Variants in PCDHGA3 observed in about 807,000 individuals in gnomAD.
The protein encoded by PCDHGA3 is protocadherin gamma subfamily A, 3.
A neutral mutation model predicts 58.5 loss-of-function variants in PCDHGA3; 40 were observed. That is an observed-to-expected ratio of 0.68 (90% CI 0.53 to 0.89). The LOEUF (loss-of-function observed/expected upper bound fraction) is 0.89. Ranked by LOEUF, PCDHGA3 falls within the 40% of genes least tolerant of loss-of-function variation. PCDHGA3 has a pLI of 0.00. For missense variants in PCDHGA3, 1,223 were observed against 1,195.9 expected (o/e 1.02, Z -0.33); for synonymous variants, 530 against 525.7 (o/e 1.01, Z -0.11).
chr5:141,493,560 C>T lies in PCDHGA3; in HGVS notation c.2425-1247C>T, dbSNP rs1222578153. ...TTATCCTTTTGGAGATTGAGTTCCCCCAGCTCCGTTTCCTCCTATCACAAT... is the reference window on the plus strand; with the variant it reads ...TTATCCTTTTGGAGATTGAGTTCCCTCAGCTCCGTTTCCTCCTATCACAAT... On this transcript the variant is annotated intron_variant, in intron 1 of 3. Transcript: ENST00000253812. The surrounding 1 kb of genome is among the most constrained non-coding windows in gnomAD (Gnocchi z 4.3). Among the ~76,000 whole-genome samples, 4 of 152,162 alleles carry T rather than the reference C, an allele frequency of 2.6e-5. No individual in the cohort carries two copies. The highest frequency in any genetic ancestry group is 2.1e-4 in the South Asian group (1 of 4,830).
At chr5:141,497,541 T>C (rs1157403777) in intron 2 of PCDHGA3, among the ~76,000 whole-genome samples, 9 of 89,564 alleles carry the variant, frequency 1.0e-4, no homozygotes, top group Non-Finnish European at 2.1e-4. Context: ...GCAACAAACC[T>C]TTTTTTTTTT....
chr5:141,478,199 C>T lies in PCDHGA3; in HGVS notation c.2425-16608C>T, dbSNP rs759439765. 3.7e-6 allele frequency: 6 copies of T among 1,614,056 alleles called. No homozygotes were observed. The Middle Eastern group carries it at 6.6e-4, about 178-fold the overall frequency. On this transcript the variant is annotated intron_variant, in intron 1 of 3. Coordinates refer to ENST00000253812, the MANE Select transcript of PCDHGA3 (RefSeq NM_018916.4). ...GAAAAAAAATCTCACCTTTTATCTA[C>T]TTCTTTCTCTAATCCTGGTTTCTGT...
intron 1 of PCDHGA3, among the ~76,000 whole-genome samples, chr5:141,463,542 G>A (rs1376087953): frequency 7.1e-6 from 1 of 141,810 alleles, no homozygotes; most frequent in African/African-American, 2.6e-5. Context: ...TCCGGCTCCC[G>A]GGTTCATGCC....
intron 1 of PCDHGA3, among the ~76,000 whole-genome samples, chr5:141,373,124 C>T (rs933714666): frequency 6.6e-6 from 1 of 152,188 alleles, no homozygotes; most frequent in African/African-American, 2.4e-5. Flanking sequence ...GAATTAGACC[C>T]AAATCCTCAC....
intron 1 of PCDHGA3, among the ~76,000 whole-genome samples, chr5:141,449,588 CAAAAAAAA>C (rs768743917): frequency 1.7e-5 from 1 of 57,492 alleles, no homozygotes; most frequent in South Asian, 6.3e-4. Context: ...GACTCTGTCT[CAAAAAAAA>C]AAAAAAAAAA....
rs757588144 is a variant in PCDHGA3 at position 141,361,653 on chromosome 5, C to T, written c.2424+15196C>T. 10 of 1,613,652 alleles carry T rather than the reference C, an allele frequency of 6.2e-6. No individual in the cohort carries two copies. The South Asian group carries it at 8.8e-5, about 14-fold the overall frequency. On this transcript the variant is annotated intron_variant, in intron 1 of 3. Transcript: ENST00000253812. ...CGCGGGAGATTTTATCCTACGTGTC[C>T]GTGAGCGCGCAGAGCGGGGTGGTGT...
chr5:141,427,099 A>G (rs989437547), intron 1 of PCDHGA3: 3 of 457,936 alleles, frequency 6.6e-6, no homozygotes, highest in African/African-American at 6.0e-5. Context: ...GAGGGTGTCA[A>G]TGCGGAGATC....
rs1012728568 is a variant in PCDHGA3 at position 141,495,487 on chromosome 5, T to C, written c.2483+622T>C. Among the ~76,000 whole-genome samples, 22 of 152,328 alleles carry C rather than the reference T, an allele frequency of 1.4e-4. 1 individual carries two copies. The East Asian group carries it at 4.1e-3, about 28-fold the overall frequency. ...GGGGTCTCCGTGTCTCTGCCCCTTT[T>C]TCTTGAGTTTCCGTCTTTGCCACTT... On this transcript the variant is annotated intron_variant, in intron 2 of 3. Coordinates refer to ENST00000253812, the MANE Select transcript of PCDHGA3 (RefSeq NM_018916.4).
chr5:141,365,027 C>T (rs1277837734), intron 1 of PCDHGA3: 1 of 1,613,896 alleles, frequency 6.2e-7, no homozygotes, highest in South Asian at 1.1e-5. Flanking sequence ...TGTTACGGTC[C>T]TCGACGCAAA....
rs189836587 is a variant in PCDHGA3, at chr5:141,376,293, G to A, written c.2424+29836G>A. 14 of 1,614,094 alleles carry A rather than the reference G, an allele frequency of 8.7e-6. No homozygotes were observed. In the Admixed American group the frequency reaches 2.0e-4, roughly 23 times the overall value. On this transcript the variant is annotated intron_variant, in intron 1 of 3. Coordinates refer to ENST00000253812, the MANE Select transcript of PCDHGA3 (RefSeq NM_018916.4). ...GGAGGTGGCTTAGCGAGCATGCCCG[G>A]CTCGCACTTTGTGGGCGTGGAAGGG... is the stretch of plus-strand genomic sequence containing the variant.
At chr5:141,447,937 T>A (rs1036604034) in intron 1 of PCDHGA3, among the ~76,000 whole-genome samples, 1 of 151,852 alleles carries the variant, frequency 6.6e-6, no homozygotes, top group Non-Finnish European at 1.5e-5. Context: ...AATACAAAAA[T>A]TAGCTGGGCA....
chr5:141,366,623 AAG>A (rs1440567853), intron 1 of PCDHGA3: 2 of 1,614,242 alleles, frequency 1.2e-6, no homozygotes, highest in East Asian at 2.2e-5. Flanking sequence ...GGACTCGAGG[AAG>A]AGTCACCTGA....
At position 141,432,015 on chromosome 5, in the gene PCDHGA3, A is replaced by G. The variant is rs745405194; in HGVS notation, c.2425-62792A>G. 6.2e-7 allele frequency: 1 copy of G among 1,614,196 alleles called. No individual in the cohort carries two copies. Among genetic ancestry groups the G allele is most frequent in the Admixed American group, 1.7e-5 (1 of 60,032 alleles). On this transcript the variant is annotated intron_variant, in intron 1 of 3. Coordinates refer to ENST00000253812, the MANE Select transcript of PCDHGA3 (RefSeq NM_018916.4). The surrounding 1 kb of genome is among the most constrained non-coding windows in gnomAD (Gnocchi z 6.0). ...GATAGGGAACAGGTTCCTAGCTACA[A>G]CATCACAGTGACCGCCACTGACCGG...
In PCDHGA3 at chr5:141,511,367, G is replaced by A. The variant is rs563286583; in HGVS notation, c.*194G>A. ...CCTTCCCCCCCAGGGGGTTGAATAT[G>A]CAAAAGCAGTTCCGCTGGGAACCCC... On this transcript the variant is annotated 3_prime_UTR_variant, in exon 4 of 4. Coordinates refer to ENST00000253812, the MANE Select transcript of PCDHGA3 (RefSeq NM_018916.4). 2.3e-6 allele frequency: 3 copies of A among 1,299,952 alleles called. No individual in the cohort carries two copies. Among genetic ancestry groups the A allele is most frequent in the Non-Finnish European group, 3.1e-6 (3 of 967,442 alleles). 80.5% of individuals were successfully genotyped at this position (1,299,952 alleles called of 1,614,324 possible).
Position 141,476,934 on chromosome 5 carries a change from A to G in PCDHGA3, c.2425-17873A>G, listed in dbSNP as rs199685528. On this transcript the variant is annotated intron_variant, in intron 1 of 3. Transcript: ENST00000253812. The surrounding 1 kb of genome is among the most constrained non-coding windows in gnomAD (Gnocchi z 7.6). ...CAAGTCCTTGCAACGGATCTGGATG[A>G]AGGCCCCAACGGTGAAATTATTTAC... 255 of 1,614,164 alleles carry G rather than the reference A, an allele frequency of 1.6e-4. 3 individuals carry two copies. In the South Asian group the frequency reaches 2.6e-3, roughly 16 times the overall value.
chr5:141,358,034 C>G (rs1045447610), intron 1 of PCDHGA3, among the ~76,000 whole-genome samples: 1 of 152,074 alleles, frequency 6.6e-6, no homozygotes, highest in African/African-American at 2.4e-5. Flanking sequence ...TACTAAAATA[C>G]AAAAAGTTAG....
chr5:141,477,568 C>G lies in PCDHGA3; in HGVS notation c.2425-17239C>G. 1 of 1,614,172 alleles carries G rather than the reference C, an allele frequency of 6.2e-7. No individual in the cohort carries two copies. Among genetic ancestry groups the G allele is most frequent in the Non-Finnish European group, 8.5e-7 (1 of 1,180,044 alleles). On this transcript the variant is annotated intron_variant, in intron 1 of 3. Coordinates refer to ENST00000253812, the MANE Select transcript of PCDHGA3 (RefSeq NM_018916.4). The surrounding 1 kb of genome is among the most constrained non-coding windows in gnomAD (Gnocchi z 4.9). ...TACTAAACCTAAGTGTCTGGGACCC[C>G]GACGCCCCGCAGAATGCTCGGCTTT...
At chr5:141,378,233 G>C (rs1449430240) in intron 1 of PCDHGA3, 1 of 152,134 alleles carries the variant, frequency 6.6e-6, no homozygotes, top group African/African-American at 2.4e-5. Context: ...TAGTATTTAA[G>C]AGTGAAAATG....
chr5:141,511,048 C>G lies in PCDHGA3; in HGVS notation c.2674C>G (p.Arg892Gly). The G allele has an allele frequency of 6.2e-7, 1 of 1,614,224 alleles. No homozygotes were observed. Among genetic ancestry groups the G allele is most frequent in the Non-Finnish European group, 8.5e-7 (1 of 1,180,028 alleles). ...QFTLQHVPDYRQNVYIPGSNA... is the reference protein window; with the variant it reads ...QFTLQHVPDYGQNVYIPGSNA... ...CACCCTGCAGCACGTGCCCGACTAC[C>G]GCCAGAATGTCTACATCCCAGGCAG... Residue 892 changes from arginine (R) to glycine (G), a missense_variant, in exon 4 of 4, where the codon CGC becomes GGC. Arg to Gly is a moderately radical substitution (Grantham distance 125, BLOSUM62 -2). Transcript: ENST00000253812.
Sources: gnomAD v4.1 joint callset for allele counts (sites outside exome capture counted in the v4.1 genomes callset) on GRCh38, gnomAD v4.1.1 for gene constraint, Gnocchi (gnomAD v3.1) non-coding constraint, MANE v1.5 for transcripts, NCBI Gene and HGNC (gene_info 2026-07-23, HGNC 2026-07-21) for gene names.